The following CCAR2 variants were observed in gnomAD, a reference collection of about 807,000 sequenced individuals.
The protein encoded by CCAR2 is cell cycle and apoptosis regulator 2, also known as cell cycle and apoptosis regulator protein 2.
In CCAR2, 21 loss-of-function variants were observed where a neutral mutation model predicts 108.1. The ratio of observed to expected loss-of-function variants is 0.19; its 90% CI spans 0.14 to 0.28. CCAR2 has a LOEUF of 0.28. Among genes scored for constraint, CCAR2 ranks in the 10% least tolerant of loss-of-function variants. The probability of loss-of-function intolerance (pLI) is 1.00; values close to 1 mark genes in which losing one functional copy is unlikely to be tolerated. For synonymous variants in CCAR2, 577 were observed against 472.8 expected, an observed-to-expected ratio of 1.22 and a Z score of -2.86; for missense variants, 1,126 against 1,177.0, an observed-to-expected ratio of 0.96 and a Z score of 0.63.
intron 11 of CCAR2, 73 bp from the exon 12 acceptor site, chr8:22,615,352 C>T (rs992695061): frequency 3.8e-5 from 58 of 1,533,434 alleles, no homozygotes; most frequent in Non-Finnish European, 5.0e-5. Context: ...GAAACTGAAG[C>T]CCTTGCCTGT....
At chr8:22,608,680 T>C (rs1801169105) in intron 7 of CCAR2, among the ~76,000 whole-genome samples, 1 of 152,188 alleles carries the variant, frequency 6.6e-6, no homozygotes, top group Non-Finnish European at 1.5e-5. Flanking sequence ...CCGTCTTCTC[T>C]CCAGTTCACA....
intron 6 of CCAR2, among the ~76,000 whole-genome samples, chr8:22,607,632 T>C (rs2117416358): frequency 6.6e-6 from 1 of 151,924 alleles, no homozygotes; most frequent in East Asian, 1.9e-4. Context: ...CATGACCGGC[T>C]AATTTTTTTT....
In CCAR2 at chr8:22,619,235, G is replaced by T; in HGVS notation, c.2607G>T (p.Ala869=). The change falls in exon 20 of 21, where the codon GCG becomes GCT. Residue 869 remains alanine, a synonymous_variant. Coordinates refer to ENST00000308511, the MANE Select transcript of CCAR2 (RefSeq NM_001393997.1). The part of the protein sequence containing the change: ...AEMQELRVRL[A]EAEETARTAE... Reference sequence around the variant, plus strand: ...TGCAGGAGCTGCGAGTCCGGCTGGCGGAGGCCGAGGAGACCGCCCGGACGG... The same window carrying T: ...TGCAGGAGCTGCGAGTCCGGCTGGCTGAGGCCGAGGAGACCGCCCGGACGG... The T allele has an allele frequency of 6.4e-7, 1 of 1,570,938 alleles. No homozygotes were observed. The highest frequency in any genetic ancestry group is 8.6e-7 in the Non-Finnish European group (1 of 1,158,674).
Position 22,606,715 on chromosome 8 carries a change from TC to T in CCAR2, c.242+21del. The T allele has an allele frequency of 6.2e-7, 1 of 1,603,116 alleles. No individual in the cohort carries two copies. On this transcript the variant is annotated intron_variant, in intron 4 of 20. Coordinates refer to ENST00000308511, the MANE Select transcript of CCAR2 (RefSeq NM_001393997.1). ...TCAGCTAAGGTAGGCTTGAGGTTGGTCCCCTAACGGAAATGCTTATTGGATT... is the reference window on the plus strand; with the variant it reads ...TCAGCTAAGGTAGGCTTGAGGTTGGTCCCTAACGGAAATGCTTATTGGATT...
intron 5 of CCAR2, 58 bp downstream of exon 5, chr8:22,607,082 C>T (rs1801106312): frequency 1.9e-6 from 3 of 1,609,478 alleles, no homozygotes; most frequent in East Asian, 2.2e-5. Context: ...GCCCCTGTGC[C>T]CTGACAGCTG....
chr8:22,619,103 T>C (rs201812904), intron 19 of CCAR2, 47 bp from the exon 20 acceptor site: 17 of 1,600,282 alleles, frequency 1.1e-5, no homozygotes, highest in Non-Finnish European at 1.5e-5. Context: ...CCCTGTGCTC[T>C]GGGCCTTGAT....
chr8:22,605,082 C>G (rs1342488981), intron 1 of CCAR2: 1 of 247,484 alleles, frequency 4.0e-6, no homozygotes, highest in African/African-American at 2.4e-5. Context: ...TGCTGGGAGA[C>G]CCGGCGCTGG....
chr8:22,611,416 A>G (rs1008456511), intron 7 of CCAR2, among the ~76,000 whole-genome samples: 175 of 58,364 alleles, frequency 3.0e-3, no homozygotes, highest in Middle Eastern at 0.01. Context: ...ATGTGTGTGT[A>G]TATATGTGTG....
chr8:22,616,433 G>C, intron 14 of CCAR2, 185 bp downstream of exon 14: 1 of 607,508 alleles, frequency 1.6e-6, no homozygotes, highest in Admixed American at 2.9e-5. Flanking sequence ...AGAGTGCAGG[G>C]AGCATGGCTG....
chr8:22,619,898 A>AAAT lies in CCAR2; in HGVS notation c.*218_*220dup. 1 of 585,256 alleles carries AAAT rather than the reference A, an allele frequency of 1.7e-6. No individual in the cohort carries two copies. The allele number at this position is 585,256 out of a possible 1,614,324, so 36.3% of individuals were successfully genotyped here. Reference sequence around the variant, plus strand: ...GGAACCCCGGTTCCACTTAACAACTAAATACAACATCTTTTGCACCCCTAG... The same window carrying AAAT: ...GGAACCCCGGTTCCACTTAACAACTAAATAATACAACATCTTTTGCACCCCTAG... On this transcript the variant is annotated 3_prime_UTR_variant, in exon 21 of 21. Transcript: ENST00000308511.
chr8:22,617,713 G>A lies in CCAR2; in HGVS notation c.2008G>A (p.Asp670Asn). The A allele has an allele frequency of 6.2e-7, 1 of 1,614,224 alleles. No individual in the cohort carries two copies. Among genetic ancestry groups the A allele is most frequent in the Non-Finnish European group, 8.5e-7 (1 of 1,180,038 alleles). Residue 670 changes from aspartate (D) to asparagine (N), a missense_variant, in exon 16 of 21, where the codon GAT becomes AAT. Physicochemically the swap from Asp to Asn is conservative, Grantham distance 23 (BLOSUM62 1). Transcript: ENST00000308511. ...TTCTGTAGCAGGAGCAAAGCTGGAG[G>A]ATTCGGAGGTCCGGTCCGTTGCCTC... ...EEEFAGAKLE[D>N]SEVRSVASNQ...
intron 3 of CCAR2, among the ~76,000 whole-genome samples, 187 bp from the exon 4 acceptor site, chr8:22,606,420 G>A (rs745727344): frequency 4.6e-5 from 7 of 152,136 alleles, no homozygotes; most frequent in Admixed American, 2.0e-4. Flanking sequence ...TGTGGGTCAA[G>A]AACCAGCTCA....
intron 14 of CCAR2, 93 bp from the exon 15 acceptor site, chr8:22,617,327 G>A: frequency 7.0e-7 from 1 of 1,421,072 alleles, no homozygotes; most frequent in African/African-American, 1.4e-5. Flanking sequence ...CAGTGCCTGG[G>A]GCATAGTTGA....
chr8:22,618,636 G>A lies in CCAR2; in HGVS notation c.2240G>A (p.Arg747Lys). 1 of 1,614,124 alleles carries A rather than the reference G, an allele frequency of 6.2e-7. No homozygotes were observed. Among genetic ancestry groups the A allele is most frequent in the East Asian group, 2.2e-5 (1 of 44,876 alleles). ...SAEQAKQLVSRVVTQNICQYR... is the reference protein window; with the variant it reads ...SAEQAKQLVSKVVTQNICQYR... The stretch of plus-strand genomic sequence containing the variant: ...CTGCAGGCCAAGCAGCTGGTCAGCA[G>A]GGTGGTGACCCAGAACATCTGCCAG... The change falls in exon 18 of 21, where the codon AGG becomes AAG. Residue 747 changes from arginine to lysine, a missense_variant. Around this residue, in one of 4 missense-constraint regions of CCAR2, gnomAD observed 1,013 missense variants for 993.9 expected, o/e 1.02. Transcript: ENST00000308511.
intron 7 of CCAR2, among the ~76,000 whole-genome samples, chr8:22,610,346 CTCCATTGAGCTGCTACT>C (rs1801227250): frequency 6.6e-6 from 1 of 152,322 alleles, no homozygotes; most frequent in Non-Finnish European, 1.5e-5. Flanking sequence ...AGAACAATGT[CTCCATTGAGCTGCTACT>C]GCTGTGCTGT....
chr8:22,618,792 C>G, intron 18 of CCAR2, 35 bp from the exon 19 acceptor site: 1 of 1,613,172 alleles, frequency 6.2e-7, no homozygotes, highest in East Asian at 2.2e-5. Flanking sequence ...TCTCTGGAGA[C>G]TCCATCCTGA....
chr8:22,607,193 C>CTGA lies in CCAR2; in HGVS notation c.358-3_358-2insTGA. On this transcript the variant is annotated splice_region_variant and splice_polypyrimidine_tract_variant and intron_variant, in intron 5 of 20. Transcript: ENST00000308511. Reference sequence around the variant, plus strand: ...CCTGAATTTCCTGGCTCCTGTTCTGCAGCCCCTACTGAAGTCCCCAGCACC... The same window carrying CTGA: ...CCTGAATTTCCTGGCTCCTGTTCTGCTGAAGCCCCTACTGAAGTCCCCAGCACC... 6.2e-7 allele frequency: 1 copy of CTGA among 1,613,882 alleles called. No homozygotes were observed.
At position 22,618,389 on chromosome 8, in the gene CCAR2, GTC is replaced by G. The variant is rs1199227687; in HGVS notation, c.2116_2117del (p.Leu706AlafsTer7). 1 of 1,614,218 alleles carries G rather than the reference GTC, an allele frequency of 6.2e-7. No homozygotes were observed. Among genetic ancestry groups the G allele is most frequent in the Admixed American group, 1.7e-5 (1 of 60,034 alleles). On this transcript the variant is annotated frameshift_variant, in exon 17 of 21. Transcript: ENST00000308511. LOFTEE classifies it high-confidence loss of function. ...CCCTCTGCTGTGCTCCCCTTAGACTGTCTGCTTGCTTTTGTGTTCTTTGATGC... is the reference window on the plus strand; with the variant it reads ...CCCTCTGCTGTGCTCCCCTTAGACTGTGCTTGCTTTTGTGTTCTTTGATGC...
At chr8:22,608,877 T>G (rs983618763) in intron 7 of CCAR2, among the ~76,000 whole-genome samples, 2 of 151,118 alleles carry the variant, frequency 1.3e-5, no homozygotes, top group African/African-American at 4.8e-5. Context: ...ATTACCCAGC[T>G]TCTTCAAGTA....
Sources: allele counts gnomAD v4.1 joint callset (sites outside exome capture counted in the v4.1 genomes callset), GRCh38; gene constraint gnomAD v4.1.1; regional missense constraint gnomAD v4.1.1; transcripts MANE v1.5; gene names NCBI Gene and HGNC (gene_info 2026-07-23, HGNC 2026-07-21).